GRID2: variants seen among roughly 807,000 people sequenced by gnomAD.
The protein encoded by GRID2 is glutamate receptor ionotropic, delta-2.
A neutral mutation model predicts 114.8 loss-of-function variants in GRID2; 33 were observed. That is an observed-to-expected ratio of 0.29 (90% CI 0.22 to 0.38). The LOEUF (loss-of-function observed/expected upper bound fraction) is 0.38. GRID2 is among the 10% of genes least tolerant of loss of function. The pLI is 1.00. For synonymous variants in GRID2, 505 were observed against 449.9 expected (o/e 1.12, Z -1.55); for missense variants, 1,184 against 1,257.7 (o/e 0.94, Z 0.89).
At chr4:92,504,532 T>C (rs778425570) in intron 1 of GRID2, among the ~76,000 whole-genome samples, 1 of 152,050 alleles carries the variant, frequency 6.6e-6, no homozygotes, top group Non-Finnish European at 1.5e-5. Context: ...AACAACATAA[T>C]TTTCTCATGC....
intron 9 of GRID2, among the ~76,000 whole-genome samples, chr4:93,412,411 C>T (rs1348008849): frequency 2.6e-5 from 4 of 152,150 alleles, no homozygotes; most frequent in Non-Finnish European, 5.9e-5. Flanking sequence ...AAAACAAAAC[C>T]CATCTCTGAT....
chr4:92,950,521 C>A (rs575544899), intron 2 of GRID2, among the ~76,000 whole-genome samples: 1 of 152,260 alleles, frequency 6.6e-6, no homozygotes, highest in African/African-American at 2.4e-5. Flanking sequence ...TCCCTTTACT[C>A]CCCTGATGCT....
At chr4:93,030,096 G>T (rs1036930801) in intron 2 of GRID2, among the ~76,000 whole-genome samples, 3 of 152,122 alleles carry the variant, frequency 2.0e-5, no homozygotes, top group African/African-American at 7.2e-5. Context: ...GAAAAGTAGA[G>T]TTTCTGTTCT....
intron 14 of GRID2, among the ~76,000 whole-genome samples, chr4:93,715,068 T>C (rs1474214955): frequency 6.6e-6 from 1 of 152,232 alleles, no homozygotes. Context: ...TTTTGGGTTT[T>C]ACATTTAAAT....
intron 1 of GRID2, among the ~76,000 whole-genome samples, chr4:92,520,600 G>T (rs935407234): frequency 6.6e-6 from 1 of 151,946 alleles, no homozygotes; most frequent in Non-Finnish European, 1.5e-5. Flanking sequence ...CACAGGGAAT[G>T]GTATGCTAAT....
intron 2 of GRID2, among the ~76,000 whole-genome samples, chr4:92,649,982 TGAG>T (rs905848445): frequency 1.3e-5 from 2 of 151,778 alleles, no homozygotes; most frequent in Admixed American, 6.6e-5. Flanking sequence ...CATCATAAGT[TGAG>T]GAGCATATTG....
chr4:92,729,432 T>G (rs1736224220), intron 2 of GRID2, among the ~76,000 whole-genome samples: 1 of 152,164 alleles, frequency 6.6e-6, no homozygotes, highest in Admixed American at 6.6e-5. Flanking sequence ...TTTTAGTTTT[T>G]ATTTTTGATT....
chr4:92,354,343 T>C (rs1011089544), intron 1 of GRID2, among the ~76,000 whole-genome samples: 2 of 152,012 alleles, frequency 1.3e-5, no homozygotes, highest in African/African-American at 4.8e-5. Flanking sequence ...TTGGTTTTGA[T>C]AGTTTCTGCT....
At chr4:92,799,641 G>A (rs1288799538) in intron 2 of GRID2, among the ~76,000 whole-genome samples, 1 of 151,680 alleles carries the variant, frequency 6.6e-6, no homozygotes, top group African/African-American at 2.4e-5. Flanking sequence ...ATTGTTTTGG[G>A]GCCTACCCTA....
chr4:93,434,816 A>G (rs1720914265), intron 10 of GRID2, among the ~76,000 whole-genome samples: 1 of 152,122 alleles, frequency 6.6e-6, no homozygotes. Flanking sequence ...TGCCCAATCA[A>G]TTCCCTTTGT....
chr4:93,633,933 A>G (rs1046646747), intron 14 of GRID2, among the ~76,000 whole-genome samples: 1 of 152,132 alleles, frequency 6.6e-6, no homozygotes, highest in Non-Finnish European at 1.5e-5. Context: ...TTGCCCACTT[A>G]GTAGCTCCAG....
At position 92,713,476 on chromosome 4, in the gene GRID2, CATATATATATATATATATAT is replaced by C. The variant is rs10593127; in HGVS notation, c.244+123213_244+123232del. 1.5e-3 allele frequency among the ~76,000 whole-genome samples: 82 copies of C among 54,064 alleles called. 1 individual carries two copies. The highest frequency in any genetic ancestry group is 4.7e-3 in the South Asian group (5 of 1,058). The allele number at this position is 54,064 out of a possible 152,430, so 35.5% of individuals were successfully genotyped here. ...TTACATATATTTACATATACATATA[CATATATATATATATATATAT>C]ATATATATATATATATATATATTAC... On this transcript the variant is annotated intron_variant, in intron 2 of 15. Transcript: ENST00000282020.
chr4:92,876,136 A>T (rs569856829), intron 2 of GRID2, among the ~76,000 whole-genome samples: 161 of 152,068 alleles, frequency 1.1e-3, no homozygotes, highest in African/African-American at 3.7e-3. Context: ...TTAATCCTCA[A>T]TTTCCAGAGT....
At chr4:92,464,519 A>T (rs1721653093) in intron 1 of GRID2, among the ~76,000 whole-genome samples, 1 of 152,078 alleles carries the variant, frequency 6.6e-6, no homozygotes, top group African/African-American at 2.4e-5. Context: ...TTTTCTTCTG[A>T]TGGCAAAATA....
At position 93,027,813 on chromosome 4, in the gene GRID2, G is replaced by C. The variant is rs1724020568; in HGVS notation, c.245-57182G>C. 2.0e-5 allele frequency among the ~76,000 whole-genome samples: 3 copies of C among 151,782 alleles called. No homozygotes were observed. In the South Asian group the frequency reaches 6.3e-4, roughly 32 times the overall value. On this transcript the variant is annotated intron_variant, in intron 2 of 15. Coordinates refer to ENST00000282020, the MANE Select transcript of GRID2 (RefSeq NM_001510.4). ...AGGATACATTTGATATTTTTCCATG[G>C]CAGGTTGTTAATATAAAAGTTATTT...
chr4:92,685,186 A>G (rs1410427749), intron 2 of GRID2, among the ~76,000 whole-genome samples: 1 of 152,100 alleles, frequency 6.6e-6, no homozygotes, highest in Non-Finnish European at 1.5e-5. Context: ...GAAATGTTCT[A>G]CTTACTTTTG....
At chr4:92,714,216 C>A (rs1735420146) in intron 2 of GRID2, among the ~76,000 whole-genome samples, 1 of 152,146 alleles carries the variant, frequency 6.6e-6, no homozygotes, top group Non-Finnish European at 1.5e-5. Flanking sequence ...GTGAGGCAGT[C>A]AACTTTTAAA....
chr4:92,577,760 T>C (rs1261534866), intron 1 of GRID2, among the ~76,000 whole-genome samples: 1 of 152,050 alleles, frequency 6.6e-6, no homozygotes, highest in Non-Finnish European at 1.5e-5. Context: ...ATTAATGAAA[T>C]GGAATTACCA....
chr4:92,470,500 T>G (rs1291290247), intron 1 of GRID2, among the ~76,000 whole-genome samples: 5 of 151,994 alleles, frequency 3.3e-5, no homozygotes, highest in African/African-American at 1.2e-4. Flanking sequence ...AGGTAGAATT[T>G]TATTTCTGTA....
Sources: allele counts gnomAD v4.1 joint callset (sites outside exome capture counted in the v4.1 genomes callset), GRCh38; gene constraint gnomAD v4.1.1; transcripts MANE v1.5; gene names NCBI Gene and HGNC (gene_info 2026-07-23, HGNC 2026-07-21).